The following MYH8 variants were observed in gnomAD, a reference collection of about 807,000 sequenced individuals.
MYH8 encodes the protein myosin-8.
A neutral mutation model predicts 233.2 loss-of-function variants in MYH8; 168 were observed. That is an observed-to-expected ratio of 0.72 (90% CI 0.64 to 0.82). The LOEUF (loss-of-function observed/expected upper bound fraction) is 0.82. MYH8 is among the 40% of genes least tolerant of loss of function. The pLI, the probability that MYH8 is intolerant of heterozygous loss-of-function variation, is 0.00. For missense variants in MYH8, 1,995 were observed against 2,327.8 expected (o/e 0.86, Z 2.94); for synonymous variants, 785 against 850.6 (o/e 0.92, Z 1.34).
intron 27 of MYH8, 52 bp from the exon 28 acceptor site, chr17:10,399,721 T>C (rs771221661): frequency 6.2e-7 from 1 of 1,608,760 alleles, no homozygotes; most frequent in Non-Finnish European, 8.5e-7. Context: ...ATAAAAAGGT[T>C]AAAACTTGAT....
Position 10,398,495 on chromosome 17 carries a change from G to A in MYH8, c.4127C>T (p.Thr1376Ile). Residue 1376 changes from threonine (T) to isoleucine (I), a missense_variant, in exon 30 of 40, where the codon ACC becomes ATC. Transcript: ENST00000403437. Reference protein sequence around the residue: ...KANSEVAQWRTKYETDAIQRT... With the variant: ...KANSEVAQWRIKYETDAIQRT... ...CTGGATGGCATCCGTCTCGTATTTG[G>A]TTCTCCACTGGGCAACCTCACTGTT... The A allele has an allele frequency of 3.7e-6, 6 of 1,613,986 alleles. No homozygotes were observed. Among genetic ancestry groups the A allele is most frequent in the East Asian group, 2.2e-5 (1 of 44,866 alleles).
Position 10,400,392 on chromosome 17 carries a change from T to G in MYH8, c.3733A>C (p.Lys1245Gln), listed in dbSNP as rs966771807. 2.5e-6 allele frequency: 4 copies of G among 1,612,624 alleles called. No homozygotes were observed. In the African/African-American group the frequency reaches 5.3e-5, roughly 22 times the overall value. Residue 1245 changes from lysine to glutamine, a missense_variant and splice_region_variant, in exon 27 of 40, where the codon AAG (lysine) becomes CAG (glutamine). This residue lies in a region of MYH8 where 1,498 missense variants were observed against 1,680.9 expected (regional missense o/e 0.89). Coordinates refer to ENST00000403437, the MANE Select transcript of MYH8 (RefSeq NM_002472.3). This position sits in a 1 kb window ranked among gnomAD's most constrained non-coding sequence, Gnocchi z 4.0. Reference protein sequence around the residue: ...SSNAEAISKAKGNLEKMCRSL... With the variant: ...SSNAEAISKAQGNLEKMCRSL... ...CATTTAGAGACAGTATTGGGTACCT[T>G]GGCTTTGGAAATGGCCTCTGCGTTA... is the stretch of plus-strand genomic sequence containing the variant.
chr17:10,407,944 T>A (rs1345235503), intron 17 of MYH8, among the ~76,000 whole-genome samples: 2 of 132,180 alleles, frequency 1.5e-5, no homozygotes, highest in African/African-American at 2.9e-5. Context: ...AGAAGGCAGA[T>A]TTTTTTTTTT....
At chr17:10,405,851 G>T (rs1305855109) in intron 21 of MYH8, among the ~76,000 whole-genome samples, 190 bp downstream of exon 21, 1 of 152,244 alleles carries the variant, frequency 6.6e-6, no homozygotes, top group Non-Finnish European at 1.5e-5. Context: ...GAGATGGCTG[G>T]AGGTAGGAGA....
At position 10,415,691 on chromosome 17, in the gene MYH8, T is replaced by C. The variant is rs148334778; in HGVS notation, c.529A>G (p.Ile177Val). The C allele has an allele frequency of 1.9e-6, 3 of 1,614,026 alleles. No individual in the cohort carries two copies. The East Asian group carries it at 6.7e-5, about 36-fold the overall frequency. Residue 177 changes from isoleucine (I) to valine (V), a missense_variant, in exon 6 of 40, where the codon ATC (isoleucine) becomes GTC (valine). By Grantham distance (29) the Ile-to-Val change is conservative. This residue lies in a region of MYH8 where 479 missense variants were observed against 600.9 expected (regional missense o/e 0.80). Transcript: ENST00000403437. The surrounding 1 kb of genome is among the most constrained non-coding windows in gnomAD (Gnocchi z 4.1). ...FMLTDRENQS[I>V]LITGESGAGK... is the part of the protein sequence containing the mutation. ...AAAAAAATCACATACGTGATCAGGATGGACTGATTCTCTCGATCTGTGAAA... is the reference window on the plus strand; with the variant it reads ...AAAAAAATCACATACGTGATCAGGACGGACTGATTCTCTCGATCTGTGAAA...
chr17:10,392,890 C>T lies in MYH8; in HGVS notation c.5404G>A (p.Glu1802Lys). 1.2e-6 allele frequency: 2 copies of T among 1,614,212 alleles called. No individual in the cohort carries two copies. Among genetic ancestry groups the T allele is most frequent in the Non-Finnish European group, 1.7e-6 (2 of 1,180,022 alleles). The change falls in exon 37 of 40, where the codon GAG becomes AAG. Residue 1802 changes from glutamate (E) to lysine (K), a missense_variant. Glu to Lys is a moderately conservative substitution (Grantham distance 56, BLOSUM62 1). Coordinates refer to ENST00000403437, the MANE Select transcript of MYH8 (RefSeq NM_002472.3). ...CCCTTCAGCGCCAGCTGCTCGGCCT[C>T]ATCTAGACGATGCTGCAGGTCCTTC... ...TVKDLQHRLD[E>K]AEQLALKGGK...
intron 14 of MYH8, 120 bp downstream of exon 14, chr17:10,412,250 T>C: frequency 1.3e-6 from 2 of 1,591,570 alleles, no homozygotes; most frequent in Non-Finnish European, 8.6e-7. Flanking sequence ...ATAACCTTTG[T>C]TCTAGGTGCA....
In MYH8 at chr17:10,406,027, T is replaced by C. The variant is rs1450904521; in HGVS notation, c.2432+14A>G. The stretch of plus-strand genomic sequence containing the variant: ...AAGGGACCTTATAATTCTGATATTC[T>C]GAATGATTGTTACCTCCTTTGCAAC... On this transcript the variant is annotated intron_variant, in intron 21 of 39. Coordinates refer to ENST00000403437, the MANE Select transcript of MYH8 (RefSeq NM_002472.3). The C allele has an allele frequency of 6.2e-7, 1 of 1,613,110 alleles. No homozygotes were observed. The highest frequency in any genetic ancestry group is 1.1e-5 in the South Asian group (1 of 91,076).
In MYH8 at chr17:10,419,277, C is replaced by T. The variant is rs554361934; in HGVS notation, c.211-247G>A. Among the ~76,000 whole-genome samples, 6 of 152,196 alleles carry T rather than the reference C, an allele frequency of 3.9e-5. No homozygotes were observed. The South Asian group carries it at 8.3e-4, about 21-fold the overall frequency. On this transcript the variant is annotated intron_variant, in intron 3 of 39. Transcript: ENST00000403437. The surrounding 1 kb of genome is among the most constrained non-coding windows in gnomAD (Gnocchi z 4.0). ...TTCGCCATGTTGGCCAGGCTGGTCT[C>T]GAACTCCTGATCTCAGGTGATCCAC...
Position 10,399,600 on chromosome 17 carries a change from G to A in MYH8, c.3805C>T (p.Gln1269Ter). The part of the protein sequence containing the change: ...VSELKTKEEE[Q>*]QRLINDLTAQ... ...GTGAGGTCATTGATCAGCCGCTGCT[G>A]CTCCTCTTCCTTGGTCTTAAGCTCA... The change falls in exon 28 of 40, where the codon CAG becomes TAG. Residue 1269 changes from glutamine to a stop codon, truncating the protein, a stop_gained. Transcript: ENST00000403437. LOFTEE classifies it high-confidence loss of function. 2.5e-6 allele frequency: 4 copies of A among 1,614,110 alleles called. No homozygotes were observed. The highest frequency in any genetic ancestry group is 3.4e-6 in the Non-Finnish European group (4 of 1,180,030).
At chr17:10,409,206 G>A (rs756365273) in intron 16 of MYH8, 42 bp from the exon 17 acceptor site, 1 of 1,613,496 alleles carries the variant, frequency 6.2e-7, no homozygotes, top group South Asian at 1.1e-5. Context: ...TAGAATACCA[G>A]AGGCTTATAT....
chr17:10,420,273 A>G lies in MYH8; in HGVS notation c.-30-16T>C. ...AGGATTCTGCCTAGGGAGGAGAGAAACGGGAGAGAGAGATATAAAAAGCAG... is the reference window on the plus strand; with the variant it reads ...AGGATTCTGCCTAGGGAGGAGAGAAGCGGGAGAGAGAGATATAAAAAGCAG... On this transcript the variant is annotated splice_polypyrimidine_tract_variant and intron_variant, in intron 2 of 39. Coordinates refer to ENST00000403437, the MANE Select transcript of MYH8 (RefSeq NM_002472.3). 1.9e-6 allele frequency: 3 copies of G among 1,597,462 alleles called. No homozygotes were observed. Among genetic ancestry groups the G allele is most frequent in the Non-Finnish European group, 2.6e-6 (3 of 1,167,362 alleles).
At chr17:10,399,830 T>G (rs2072119175) in intron 27 of MYH8, among the ~76,000 whole-genome samples, 161 bp from the exon 28 acceptor site, 1 of 152,204 alleles carries the variant, frequency 6.6e-6, no homozygotes, top group Non-Finnish European at 1.5e-5. Context: ...GCATGGCGAG[T>G]GCATAGTGTG....
At chr17:10,403,747 G>A (rs902835190) in intron 22 of MYH8, among the ~76,000 whole-genome samples, 1 of 152,116 alleles carries the variant, frequency 6.6e-6, no homozygotes, top group Non-Finnish European at 1.5e-5. Flanking sequence ...TTTGACCAAA[G>A]TGTTCATGCC....
chr17:10,392,059 G>T, intron 38 of MYH8, 82 bp from the exon 39 acceptor site: 1 of 1,153,426 alleles, frequency 8.7e-7, no homozygotes, highest in Non-Finnish European at 1.3e-6. Context: ...CATTTGGCAT[G>T]ATGGCAGGTG....
chr17:10,404,278 T>TG (rs991965828), intron 22 of MYH8, 52 bp downstream of exon 22: 1 of 1,610,762 alleles, frequency 6.2e-7, no homozygotes, highest in African/African-American at 1.3e-5. Flanking sequence ...AGTATATGTG[T>TG]GTTTCAAAAA....
chr17:10,403,409 G>C lies in MYH8; in HGVS notation c.2688+921C>G, dbSNP rs575418256. Among the ~76,000 whole-genome samples, 7 of 152,232 alleles carry C rather than the reference G, an allele frequency of 4.6e-5. No individual in the cohort carries two copies. In the South Asian group the frequency reaches 1.5e-3, roughly 32 times the overall value. On this transcript the variant is annotated intron_variant, in intron 22 of 39. Transcript: ENST00000403437. The stretch of plus-strand genomic sequence containing the variant: ...CTCCCAGTGTTTGTTTTGTTCTTGA[G>C]TTTAAAAAACGTTTAAATGGAATAT...
rs778011337 is a variant in MYH8, at chr17:10,395,230, T to C, written c.4865A>G (p.Glu1622Gly). The C allele has an allele frequency of 1.9e-6, 3 of 1,614,158 alleles. No individual in the cohort carries two copies. The highest frequency in any genetic ancestry group is 2.5e-6 in the Non-Finnish European group (3 of 1,180,032). The change falls in exon 34 of 40, where the codon GAA (glutamate) becomes GGA (glycine). Residue 1622 changes from glutamate (E) to glycine (G), a missense_variant. Around this residue, in one of 3 missense-constraint regions of MYH8, gnomAD observed 1,498 missense variants for 1,680.9 expected, o/e 0.89. Transcript: ENST00000403437. ...GATTTCCATTTCATTCAGATCTCCT[T>C]CCATTTTCTTCTTGACTCTCAGAGC... ...NDALRVKKKM[E>G]GDLNEMEIQL...
At position 10,396,862 on chromosome 17, in the gene MYH8, C is replaced by A; in HGVS notation, c.4303G>T (p.Val1435Leu). ...QNEVEDLMLD[V>L]ERSNAACAAL... The stretch of plus-strand genomic sequence containing the variant: ...GCACAGGCTGCATTAGACCTTTCCA[C>A]ATCAAGCATGAGGTCTTCAACTTCA... The change falls in exon 31 of 40, where the codon GTG (valine) becomes TTG (leucine). Residue 1435 changes from valine (V) to leucine (L), a missense_variant. Physicochemically the swap from Val to Leu is conservative, Grantham distance 32. Coordinates refer to ENST00000403437, the MANE Select transcript of MYH8 (RefSeq NM_002472.3). The surrounding 1 kb of genome is among the most constrained non-coding windows in gnomAD (Gnocchi z 4.2). 1 of 1,614,238 alleles carries A rather than the reference C, an allele frequency of 6.2e-7. No individual in the cohort carries two copies. The highest frequency in any genetic ancestry group is 8.5e-7 in the Non-Finnish European group (1 of 1,180,046).
Sources: allele counts gnomAD v4.1 joint callset (sites outside exome capture counted in the v4.1 genomes callset), GRCh38; gene constraint gnomAD v4.1.1; regional missense constraint gnomAD v4.1.1; non-coding constraint Gnocchi (gnomAD v3.1); transcripts MANE v1.5; gene names NCBI Gene and HGNC (gene_info 2026-07-23, HGNC 2026-07-21).